The following GAK variants were observed in gnomAD, a reference collection of about 807,000 sequenced individuals.
The protein encoded by GAK is cyclin-G-associated kinase.
GAK carries 79 observed loss-of-function variants against 143.9 expected under a neutral mutation model. That is an observed-to-expected ratio of 0.55 (90% CI 0.46 to 0.66). The LOEUF is 0.66. GAK is among the 30% of genes least tolerant of loss of function. GAK has a pLI of 0.00. For missense variants in GAK, 1,693 were observed against 1,779.7 expected (o/e 0.95, Z 0.88); for synonymous variants, 881 against 765.5 (o/e 1.15, Z -2.49).
intron 6 of GAK, 53 bp downstream of exon 6, chr4:897,980 C>T (rs1484015757): frequency 5.7e-6 from 9 of 1,568,182 alleles, no homozygotes; most frequent in East Asian, 2.3e-5. Context: ...GCACTCAGGG[C>T]GTGGAATGTG....
intron 1 of GAK, among the ~76,000 whole-genome samples, chr4:921,974 T>G (rs780280413): frequency 1.3e-5 from 2 of 152,116 alleles, no homozygotes; most frequent in African/African-American, 4.8e-5. Flanking sequence ...TCGCTACACA[T>G]GTATCACAAT....
chr4:864,780 C>G (rs1474654806), intron 23 of GAK, among the ~76,000 whole-genome samples: 1 of 152,176 alleles, frequency 6.6e-6, no homozygotes, highest in African/African-American at 2.4e-5. Context: ...ACAGGCAGAG[C>G]CAGCACGTGG....
intron 18 of GAK, 74 bp downstream of exon 18, chr4:876,456 G>C: frequency 7.5e-7 from 1 of 1,341,118 alleles, no homozygotes; most frequent in Non-Finnish European, 1.1e-6. Flanking sequence ...GGGCTCCCAC[G>C]ACCGGCCCAC....
intron 23 of GAK, among the ~76,000 whole-genome samples, chr4:864,099 C>T (rs1384272157): frequency 3.3e-5 from 5 of 152,228 alleles, no homozygotes; most frequent in Non-Finnish European, 7.3e-5. Flanking sequence ...TGGCTCACGC[C>T]TGTAATCCCA....
In GAK at chr4:849,439, G is replaced by A. The variant is rs143625399; in HGVS notation, c.*234C>T. 296 of 561,366 alleles carry A rather than the reference G, an allele frequency of 5.3e-4. 1 individual carries two copies. The highest frequency in any genetic ancestry group is 4.6e-3 in the East Asian group (160 of 34,684). 34.8% of individuals were successfully genotyped at this position (561,366 alleles called of 1,614,324 possible). ...AATAAATCACAGACGTGACAATTGC[G>A]GGAGGAGCATGAATCAGCTGTTCCT... is the stretch of plus-strand genomic sequence containing the variant. On this transcript the variant is annotated 3_prime_UTR_variant, in exon 28 of 28. Coordinates refer to ENST00000314167, the MANE Select transcript of GAK (RefSeq NM_005255.4).
At chr4:890,733 G>C in intron 9 of GAK, 111 bp from the exon 10 acceptor site, 1 of 806,392 alleles carries the variant, frequency 1.2e-6, no homozygotes, top group Non-Finnish European at 2.0e-6. Context: ...TCTGCCCCCT[G>C]ATCTATGACA....
chr4:893,411 G>A lies in GAK; in HGVS notation c.956C>T (p.Ala319Val). The A allele has an allele frequency of 1.9e-6, 3 of 1,589,830 alleles. No individual in the cohort carries two copies. The highest frequency in any genetic ancestry group is 1.7e-6 in the Non-Finnish European group (2 of 1,168,408). ...VVHQLQEIAA[A>V]RNVNPKSPIT... ...GGGAGACTTGGGGTTCACGTTGCGG[G>A]CGGCCGCGATCTCCTGCAGCTGGTG... The change falls in exon 9 of 28, where the codon GCC (alanine) becomes GTC (valine). Residue 319 changes from alanine (A) to valine (V), a missense_variant. Coordinates refer to ENST00000314167, the MANE Select transcript of GAK (RefSeq NM_005255.4).
chr4:864,982 A>G (rs1750898355), intron 23 of GAK, 140 bp downstream of exon 23: 1 of 1,175,060 alleles, frequency 8.5e-7, no homozygotes, highest in Admixed American at 2.7e-5. Flanking sequence ...TTGTGTGCGG[A>G]GCCCGCACCA....
Position 883,316 on chromosome 4 carries a change from C to T in GAK, c.1403G>A (p.Arg468Gln), listed in dbSNP as rs749738775. Residue 468 changes from arginine (R) to glutamine (Q), a missense_variant and splice_region_variant, in exon 13 of 28, where the codon CGG becomes CAG. Arg to Gln is a conservative substitution (Grantham distance 43, BLOSUM62 1). Coordinates refer to ENST00000314167, the MANE Select transcript of GAK (RefSeq NM_005255.4). ...RTYRPSRFHN[R>Q]VSECGWAARR... ...AAGACAAAGCCTGTGGCCACACACC[C>T]GGTTGTGGAACCTGGAGGGCCGGTA... The T allele has an allele frequency of 2.3e-5, 37 of 1,613,044 alleles. No individual in the cohort carries two copies. The highest frequency in any genetic ancestry group is 5.5e-5 in the South Asian group (5 of 91,060).
intron 24 of GAK, among the ~76,000 whole-genome samples, chr4:855,076 T>C (rs1748899745): frequency 6.6e-6 from 1 of 152,158 alleles, no homozygotes; most frequent in Admixed American, 6.5e-5. Flanking sequence ...ATCTAGTCCA[T>C]CTGTCTTTCA....
At chr4:892,148 C>T (rs924163751) in intron 9 of GAK, among the ~76,000 whole-genome samples, 3 of 152,188 alleles carry the variant, frequency 2.0e-5, no homozygotes, top group Non-Finnish European at 2.9e-5. Flanking sequence ...ACAGGGACTC[C>T]GGGCAGCAGC....
rs375743488 is a variant in GAK at position 902,248 on chromosome 4, A to C, written c.525+2389T>G. Reference sequence around the variant, plus strand: ...CAAGACTCCGCCTAAAAAAAAAAAAAAAACAGAAATGTCCTCACGTCCCCA... The same window carrying C: ...CAAGACTCCGCCTAAAAAAAAAAAACAAACAGAAATGTCCTCACGTCCCCA... On this transcript the variant is annotated intron_variant, in intron 5 of 27. Transcript: ENST00000314167. Among the ~76,000 whole-genome samples the C allele has an allele frequency of 6.2e-4, 94 of 151,714 alleles. 2 individuals are homozygous for C. The East Asian group carries it at 0.018, about 29-fold the overall frequency.
At chr4:882,412 A>T (rs1715322338) in intron 14 of GAK, among the ~76,000 whole-genome samples, 1 of 152,012 alleles carries the variant, frequency 6.6e-6, no homozygotes. Flanking sequence ...AGTGACTCTT[A>T]GGTGGCCACC....
At position 849,822 on chromosome 4, in the gene GAK, G is replaced by A. The variant is rs115066566; in HGVS notation, c.3835-48C>T. Reference sequence around the variant, plus strand: ...GCGCCTCTTATAAGCATGCGGGGGCGGGCGGGGCAGGACCCCCCCCCCGCC... The same window carrying A: ...GCGCCTCTTATAAGCATGCGGGGGCAGGCGGGGCAGGACCCCCCCCCCGCC... On this transcript the variant is annotated intron_variant, in intron 27 of 27. Coordinates refer to ENST00000314167, the MANE Select transcript of GAK (RefSeq NM_005255.4). The A allele has an allele frequency of 1.7e-3, 2,521 of 1,462,160 alleles. 38 individuals are homozygous for A. In the African/African-American group the frequency reaches 0.033, roughly 19 times the overall value. The allele number at this position is 1,462,160 out of a possible 1,614,324, so 90.6% of individuals were successfully genotyped here.
intron 27 of GAK, 59 bp from the exon 28 acceptor site, chr4:849,833 G>GGCCCCCCCCCCCCCCCCCCCCCCCCC: frequency 8.4e-7 from 1 of 1,190,152 alleles, no homozygotes; most frequent in Non-Finnish European, 1.2e-6. Context: ...GGCGGGGCAG[G>GGCCCCCCCCCCCCCCCCCCCCCCCCC]ACCCCCCCCC....
intron 1 of GAK, among the ~76,000 whole-genome samples, chr4:926,915 C>CA (rs1300923657): frequency 4.1e-4 from 37 of 89,526 alleles, no homozygotes; most frequent in Non-Finnish European, 7.2e-4. Context: ...CACTGCCCCG[C>CA]ACCCCTCCCG....
intron 26 of GAK, chr4:850,529 C>T (rs6828147): frequency 0.058 from 10,977 of 190,856 alleles, 364 homozygotes; most frequent in Middle Eastern, 0.083. Flanking sequence ...TGCATCCTCA[C>T]CCCCCAGTGA....
rs761638893 is a variant in GAK, at chr4:897,970, G to A, written c.651+63C>T. The A allele has an allele frequency of 1.2e-5, 19 of 1,535,544 alleles. No homozygotes were observed. The East Asian group carries it at 1.4e-4, about 12-fold the overall frequency. Reference sequence around the variant, plus strand: ...GCACCCCGGCGGAAAACAGCACTCCGCACTCAGGGCGTGGAATGTGGGAAG... The same window carrying A: ...GCACCCCGGCGGAAAACAGCACTCCACACTCAGGGCGTGGAATGTGGGAAG... On this transcript the variant is annotated intron_variant, in intron 6 of 27. Transcript: ENST00000314167.
chr4:924,962 G>A (rs1176568473), intron 1 of GAK, among the ~76,000 whole-genome samples: 5 of 151,884 alleles, frequency 3.3e-5, no homozygotes, highest in African/African-American at 1.2e-4. Context: ...GGGTCATGGG[G>A]GTGGAGTTCT....
Sources: allele counts gnomAD v4.1 joint callset (sites outside exome capture counted in the v4.1 genomes callset), GRCh38; gene constraint gnomAD v4.1.1; transcripts MANE v1.5; gene names NCBI Gene and HGNC (gene_info 2026-07-23, HGNC 2026-07-21).